Variants in CTNNA3 observed in about 807,000 individuals in gnomAD.
CTNNA3 encodes catenin alpha 3.
A neutral mutation model predicts 95.7 loss-of-function variants in CTNNA3; 76 were observed. That is an observed-to-expected ratio of 0.79 (90% CI 0.66 to 0.96). The LOEUF (loss-of-function observed/expected upper bound fraction) is 0.96. Among genes scored for constraint, CTNNA3 ranks in the 40% least tolerant of loss-of-function variants. The pLI, the probability that CTNNA3 is intolerant of heterozygous loss-of-function variation, is 0.00. For missense variants in CTNNA3, 1,191 were observed against 1,089.8 expected (o/e 1.09, Z -1.31); for synonymous variants, 431 against 374.4 (o/e 1.15, Z -1.74).
At chr10:67,466,945 G>C (rs1410949797) in intron 5 of CTNNA3, among the ~76,000 whole-genome samples, 1 of 152,010 alleles carries the variant, frequency 6.6e-6, no homozygotes, top group Non-Finnish European at 1.5e-5. Flanking sequence ...AATAACGAGG[G>C]AGCAGACAGA....
chr10:66,479,977 C>CACAA (rs1405403802), intron 11 of CTNNA3, among the ~76,000 whole-genome samples: 6 of 151,722 alleles, frequency 4.0e-5, no homozygotes, highest in African/African-American at 1.5e-4. Flanking sequence ...CACACACACA[C>CACAA]ACCCCAGAAC....
At chr10:66,232,447 A>T (rs2089633597) in intron 13 of CTNNA3, among the ~76,000 whole-genome samples, 1 of 152,020 alleles carries the variant, frequency 6.6e-6, no homozygotes, top group Admixed American at 6.6e-5. Context: ...AATTTAAGTA[A>T]ATTAAAACTA....
intron 3 of CTNNA3, among the ~76,000 whole-genome samples, chr10:67,591,870 T>C (rs902169294): frequency 1.3e-5 from 2 of 151,606 alleles, no homozygotes; most frequent in African/African-American, 4.9e-5. Context: ...GAAAACCACA[T>C]GAAGGCATAT....
chr10:67,599,773 A>T (rs1237038199), intron 3 of CTNNA3, among the ~76,000 whole-genome samples: 1 of 152,180 alleles, frequency 6.6e-6, no homozygotes, highest in Non-Finnish European at 1.5e-5. Flanking sequence ...TTTAATCAGA[A>T]GACTCATCAC....
At chr10:66,332,970 C>A (rs1209326220) in intron 12 of CTNNA3, among the ~76,000 whole-genome samples, 1 of 151,966 alleles carries the variant, frequency 6.6e-6, no homozygotes, top group Non-Finnish European at 1.5e-5. Context: ...GTGTATGTGT[C>A]TAGGAATTTA....
chr10:67,522,835 G>A (rs543503080), intron 4 of CTNNA3, among the ~76,000 whole-genome samples: 2 of 152,178 alleles, frequency 1.3e-5, no homozygotes, highest in South Asian at 2.1e-4. Context: ...AAAATGTCAA[G>A]TAATGTAATT....
chr10:66,633,464 A>T (rs1190587027), intron 9 of CTNNA3, among the ~76,000 whole-genome samples: 1 of 152,124 alleles, frequency 6.6e-6, no homozygotes, highest in Non-Finnish European at 1.5e-5. Flanking sequence ...GCAGATCACG[A>T]GGTCAGGAGA....
At chr10:67,672,877 T>C (rs1420632518) in intron 1 of CTNNA3, among the ~76,000 whole-genome samples, 2 of 152,180 alleles carry the variant, frequency 1.3e-5, no homozygotes, top group East Asian at 1.9e-4. Flanking sequence ...TTTAAAGTAG[T>C]TTTTCCCAAT....
At chr10:67,283,480 A>T (rs1433956194) in intron 5 of CTNNA3, among the ~76,000 whole-genome samples, 1 of 152,180 alleles carries the variant, frequency 6.6e-6, no homozygotes, top group Non-Finnish European at 1.5e-5. Context: ...AACTTCAGTA[A>T]ACACACTGTG....
At chr10:66,618,291 C>T (rs10997262) in intron 10 of CTNNA3, among the ~76,000 whole-genome samples, 7,145 of 151,844 alleles carry the variant, frequency 0.047, 257 homozygotes, top group Non-Finnish European at 0.069. Flanking sequence ...GGAGGCATCA[C>T]GCTACCTGAC....
intron 10 of CTNNA3, among the ~76,000 whole-genome samples, chr10:66,545,214 T>A (rs1425640539): frequency 6.6e-6 from 1 of 152,056 alleles, no homozygotes; most frequent in African/African-American, 2.4e-5. Context: ...AAGAATATTA[T>A]CATAAATTAC....
rs143791988 is a variant in CTNNA3 at position 66,063,632 on chromosome 10, C to A, written c.2159+5676G>T. Among the ~76,000 whole-genome samples, 1,115 of 151,932 alleles carry A rather than the reference C, an allele frequency of 7.3e-3. 55 individuals carry two copies. The highest frequency in any genetic ancestry group is 1.2e-3 in the Non-Finnish European group (79 of 67,954). ...TAAAAAACTAGTAAGCTTACTAAAT[C>A]TAAATATTAGAAATACTGATATTAT... On this transcript the variant is annotated intron_variant, in intron 15 of 17. Transcript: ENST00000433211.
In CTNNA3 at chr10:67,219,789, T is replaced by C; in HGVS notation, c.661A>G (p.Ile221Val). 1 of 1,614,136 alleles carries C rather than the reference T, an allele frequency of 6.2e-7. No individual in the cohort carries two copies. Among genetic ancestry groups the C allele is most frequent in the Non-Finnish European group, 8.5e-7 (1 of 1,180,004 alleles). The change falls in exon 6 of 18, where the codon ATT becomes GTT. Residue 221 changes from isoleucine to valine, a missense_variant. Physicochemically the swap from Ile to Val is conservative, Grantham distance 29. Coordinates refer to ENST00000433211, the MANE Select transcript of CTNNA3 (RefSeq NM_013266.4). The part of the protein sequence containing the change: ...LKENSPLLHS[I>V]CSACLEHSDV... ...GAATGCTCCAAACAAGCTGAACAAA[T>C]TGAATGCAAGAGGGGAGAGTTCTCC... is the stretch of plus-strand genomic sequence containing the variant.
intron 1 of CTNNA3, among the ~76,000 whole-genome samples, chr10:67,756,485 G>T (rs890817479): frequency 4.0e-5 from 6 of 151,746 alleles, no homozygotes; most frequent in African/African-American, 1.5e-4. Flanking sequence ...TTTTTAAAAG[G>T]CAAGTAACAA....
chr10:67,196,416 A>T (rs2132192435), intron 6 of CTNNA3, among the ~76,000 whole-genome samples: 1 of 152,216 alleles, frequency 6.6e-6, no homozygotes, highest in East Asian at 1.9e-4. Flanking sequence ...CAATTAGCAC[A>T]ACAGAAAAAA....
intron 5 of CTNNA3, among the ~76,000 whole-genome samples, chr10:67,508,601 A>G (rs1361004929): frequency 1.3e-5 from 2 of 152,172 alleles, no homozygotes; most frequent in Non-Finnish European, 2.9e-5. Flanking sequence ...AGTTTTCACA[A>G]TTTTTTTAAA....
intron 5 of CTNNA3, among the ~76,000 whole-genome samples, chr10:67,283,368 G>A (rs938982870): frequency 6.6e-6 from 1 of 152,206 alleles, no homozygotes; most frequent in Non-Finnish European, 1.5e-5. Flanking sequence ...GGAGTTGGGT[G>A]AGTGGGCTCA....
intron 13 of CTNNA3, among the ~76,000 whole-genome samples, chr10:66,222,132 TAGC>T (rs1318285572): frequency 6.6e-6 from 1 of 152,170 alleles, no homozygotes; most frequent in South Asian, 2.1e-4. Context: ...TGGTAGAAAA[TAGC>T]AGTCTCTACC....
intron 11 of CTNNA3, among the ~76,000 whole-genome samples, chr10:66,384,059 G>A (rs916302096): frequency 7.9e-5 from 12 of 152,010 alleles, no homozygotes; most frequent in East Asian, 1.9e-4. Context: ...AATAGCCAGC[G>A]AACATCATAA....
Sources: gnomAD v4.1 joint callset for allele counts (sites outside exome capture counted in the v4.1 genomes callset) on GRCh38, gnomAD v4.1.1 for gene constraint, MANE v1.5 for transcripts, NCBI Gene and HGNC (gene_info 2026-07-23, HGNC 2026-07-21) for gene names.